The following NEK10 variants were observed in gnomAD, a reference collection of about 807,000 sequenced individuals.
NEK10 encodes NIMA related kinase 10, also known as serine/threonine-protein kinase Nek10.
A neutral mutation model predicts 159.8 loss-of-function variants in NEK10; 122 were observed. That is an observed-to-expected ratio of 0.76 (90% CI 0.66 to 0.89). The LOEUF (loss-of-function observed/expected upper bound fraction) is 0.89, where lower values mean the gene tolerates loss of function less well. Ranked by LOEUF, NEK10 falls within the 40% of genes least tolerant of loss-of-function variation. NEK10 has a pLI of 0.00. For missense variants in NEK10, 1,342 were observed against 1,323.1 expected, an observed-to-expected ratio of 1.01 and a Z score of -0.22; for synonymous variants, 466 against 457.1, an observed-to-expected ratio of 1.02 and a Z score of -0.25.
intron 6 of NEK10, among the ~76,000 whole-genome samples, chr3:27,316,551 G>A (rs1054304715): frequency 6.6e-6 from 1 of 152,132 alleles, no homozygotes; most frequent in African/African-American, 2.4e-5. Context: ...CTAAAATCTG[G>A]GAGTTATTCA....
At chr3:27,184,589 T>C (rs181436318) in intron 26 of NEK10, among the ~76,000 whole-genome samples, 118 of 152,310 alleles carry the variant, frequency 7.7e-4, no homozygotes, top group African/African-American at 2.5e-3. Context: ...GTAGTGTGGA[T>C]GTGAGAATTG....
chr3:27,224,896 C>T (rs1952469538), intron 23 of NEK10, among the ~76,000 whole-genome samples: 1 of 152,146 alleles, frequency 6.6e-6, no homozygotes, highest in Admixed American at 6.6e-5. Flanking sequence ...TTAGTGCTCA[C>T]AAAATGTCAC....
intron 23 of NEK10, among the ~76,000 whole-genome samples, chr3:27,204,481 C>T (rs1198346604): frequency 1.9e-5 from 2 of 107,774 alleles, no homozygotes; most frequent in African/African-American, 7.1e-5. Context: ...CACCACAGTC[C>T]CCAGAGTGTG....
intron 30 of NEK10, among the ~76,000 whole-genome samples, chr3:27,145,316 A>C (rs1559511076): frequency 1.3e-5 from 2 of 152,210 alleles, no homozygotes; most frequent in Non-Finnish European, 2.9e-5. Context: ...ATATATACAC[A>C]ATATTTGGTC....
At chr3:27,279,607 A>G (rs1414925938) in intron 22 of NEK10, among the ~76,000 whole-genome samples, 1 of 152,232 alleles carries the variant, frequency 6.6e-6, no homozygotes, top group East Asian at 1.9e-4. Context: ...TATTTAAAGT[A>G]TTTTTTAAAG....
intron 23 of NEK10, among the ~76,000 whole-genome samples, chr3:27,204,315 T>TTGTTTTGTTTTG (rs1950322841): frequency 8.8e-6 from 1 of 113,262 alleles, no homozygotes; most frequent in Non-Finnish European, 1.9e-5. Flanking sequence ...TTTTTTTTTT[T>TTGTTTTGTTTTG]TTTTTTATTA....
At chr3:27,204,321 T>A (rs1182525867) in intron 23 of NEK10, among the ~76,000 whole-genome samples, 19 of 125,322 alleles carry the variant, frequency 1.5e-4, no homozygotes, top group African/African-American at 4.2e-4. Context: ...TTTTTTTTTT[T>A]ATTATACTTT....
intron 29 of NEK10, among the ~76,000 whole-genome samples, chr3:27,165,926 C>T (rs1482474811): frequency 2.6e-5 from 4 of 152,168 alleles, no homozygotes; most frequent in Admixed American, 1.3e-4. Flanking sequence ...ATAAGAATTC[C>T]TTGAAATATG....
At chr3:27,219,883 C>T (rs775283678) in intron 23 of NEK10, among the ~76,000 whole-genome samples, 1 of 152,070 alleles carries the variant, frequency 6.6e-6, no homozygotes, top group East Asian at 1.9e-4. Flanking sequence ...GTTTATAGTA[C>T]ACAAAATCAA....
chr3:27,201,463 G>A (rs759428847), intron 25 of NEK10, 47 bp downstream of exon 25: 1 of 1,423,648 alleles, frequency 7.0e-7, no homozygotes, highest in South Asian at 1.2e-5. Context: ...TAGAAATGAG[G>A]TATTTCTTGA....
chr3:27,114,374 T>C (rs1176714320), intron 35 of NEK10, among the ~76,000 whole-genome samples: 3 of 152,224 alleles, frequency 2.0e-5, no homozygotes, highest in African/African-American at 4.8e-5. Flanking sequence ...TGGTAATTTC[T>C]ATTGACGGTA....
intron 1 of NEK10, among the ~76,000 whole-genome samples, chr3:27,362,545 G>C (rs1022674088): frequency 6.6e-6 from 1 of 151,686 alleles, no homozygotes; most frequent in African/African-American, 2.4e-5. Flanking sequence ...GTAATTATAT[G>C]AGGCAAGGAG....
intron 32 of NEK10, among the ~76,000 whole-genome samples, chr3:27,123,433 GA>G (rs1299116380): frequency 6.6e-6 from 1 of 152,090 alleles, no homozygotes; most frequent in African/African-American, 2.4e-5. Flanking sequence ...CATATTAATG[GA>G]AAAATGATGA....
chr3:27,280,808 A>G (rs1011612237), intron 22 of NEK10, among the ~76,000 whole-genome samples: 9 of 152,116 alleles, frequency 5.9e-5, no homozygotes, highest in African/African-American at 1.7e-4. Flanking sequence ...CCCCAGCCAG[A>G]AAGACAGATA....
chr3:27,259,935 A>T (rs1275004269), intron 22 of NEK10, among the ~76,000 whole-genome samples: 1 of 152,116 alleles, frequency 6.6e-6, no homozygotes, highest in East Asian at 1.9e-4. Flanking sequence ...GGTCCTTCAC[A>T]TCCCTTGTAA....
chr3:27,157,953 A>C (rs1214812501), intron 30 of NEK10, among the ~76,000 whole-genome samples: 1 of 152,178 alleles, frequency 6.6e-6, no homozygotes, highest in Non-Finnish European at 1.5e-5. Flanking sequence ...TTTAGCAACA[A>C]GGCATTTTTA....
At chr3:27,326,128 C>T (rs1212870270) in intron 5 of NEK10, among the ~76,000 whole-genome samples, 1 of 152,172 alleles carries the variant, frequency 6.6e-6, no homozygotes, top group Non-Finnish European at 1.5e-5. Context: ...ATTTTGAACT[C>T]AAAATGATCA....
Position 27,334,844 on chromosome 3 carries a change from T to C in NEK10, c.362+9428A>G, listed in dbSNP as rs537673103. 2.0e-5 allele frequency among the ~76,000 whole-genome samples: 3 copies of C among 152,140 alleles called. No homozygotes were observed. In the East Asian group the frequency reaches 5.8e-4, roughly 29 times the overall value. ...GGAAACATGAAAAAGAAAGGAAATA[T>C]GACACCTCCAAAGGAGAACAATGAT... On this transcript the variant is annotated intron_variant, in intron 5 of 35. Transcript: ENST00000691995.
chr3:27,111,617 C>T (rs1343550396), intron 35 of NEK10, among the ~76,000 whole-genome samples: 1 of 152,076 alleles, frequency 6.6e-6, no homozygotes, highest in Non-Finnish European at 1.5e-5. Flanking sequence ...GTTAAAATAA[C>T]TAATTTACAC....
Sources: gnomAD v4.1 joint callset for allele counts (sites outside exome capture counted in the v4.1 genomes callset) on GRCh38, gnomAD v4.1.1 for gene constraint, MANE v1.5 for transcripts, NCBI Gene and HGNC (gene_info 2026-07-23, HGNC 2026-07-21) for gene names.